The following CAMSAP1 variants were observed in gnomAD, a reference collection of about 807,000 sequenced individuals.
CAMSAP1 encodes the protein calmodulin-regulated spectrin-associated protein 1.
A neutral mutation model predicts 143.5 loss-of-function variants in CAMSAP1; 58 were observed. The ratio of observed to expected loss-of-function variants is 0.40; its 90% CI spans 0.33 to 0.50. The LOEUF (loss-of-function observed/expected upper bound fraction) is 0.50. CAMSAP1 is among the 20% of genes least tolerant of loss of function. The pLI is 0.45. For missense variants in CAMSAP1, 1,969 were observed against 2,115.7 expected (o/e 0.93, Z 1.36); for synonymous variants, 945 against 859.3 (o/e 1.10, Z -1.74).
chr9:135,815,073 C>A, intron 16 of CAMSAP1, 24 bp downstream of exon 16: 1 of 1,503,526 alleles, frequency 6.7e-7, no homozygotes, highest in Non-Finnish European at 9.2e-7. Flanking sequence ...CACATAAAAA[C>A]TGAGGTTGAA....
At chr9:135,852,854 G>A (rs1281337707) in intron 5 of CAMSAP1, among the ~76,000 whole-genome samples, 2 of 152,170 alleles carry the variant, frequency 1.3e-5, no homozygotes, top group African/African-American at 2.4e-5. Flanking sequence ...ATTGAATAAA[G>A]TAAGATCCAT....
intron 3 of CAMSAP1, among the ~76,000 whole-genome samples, chr9:135,872,466 G>A (rs1837599328): frequency 6.6e-6 from 1 of 151,702 alleles, no homozygotes; most frequent in African/African-American, 2.4e-5. Flanking sequence ...CTTAAAAGAG[G>A]GAAGAAAAAG....
At chr9:135,864,774 G>A (rs546359146) in intron 4 of CAMSAP1, among the ~76,000 whole-genome samples, 189 of 152,330 alleles carry the variant, frequency 1.2e-3, no homozygotes, top group Middle Eastern at 6.8e-3. Context: ...CTGGGAATAA[G>A]GAAACGCCCC....
At chr9:135,817,745 TGGGGG>T in intron 14 of CAMSAP1, 3 of 499,366 alleles carry the variant, frequency 6.0e-6, no homozygotes, top group South Asian at 2.2e-5. Context: ...ACGTGTGGGG[TGGGGG>T]ACAGGGGAGG....
rs965095512 is a variant in CAMSAP1 at position 135,907,396 on chromosome 9, G to C, written c.-237C>G. On this transcript the variant is annotated 5_prime_UTR_variant, in exon 1 of 17. Coordinates refer to ENST00000389532, the MANE Select transcript of CAMSAP1 (RefSeq NM_015447.4). ...GGAGGTGCCGAGCCCGCGGCCCAAA[G>C]AGGCGGCGGCAGGAGGGCGCGGGCC... Among the ~76,000 whole-genome samples, 9 of 146,188 alleles carry C rather than the reference G, an allele frequency of 6.2e-5. No homozygotes were observed. Among genetic ancestry groups the C allele is most frequent in the African/African-American group, 2.0e-4 (8 of 40,886 alleles).
intron 7 of CAMSAP1, among the ~76,000 whole-genome samples, chr9:135,829,784 C>T (rs1017757296): frequency 6.6e-6 from 1 of 151,852 alleles, no homozygotes; most frequent in Non-Finnish European, 1.5e-5. Flanking sequence ...ACCCGTGAGG[C>T]GGAGGTTGCA....
At chr9:135,864,336 T>C (rs1362996084) in intron 4 of CAMSAP1, among the ~76,000 whole-genome samples, 1 of 152,222 alleles carries the variant, frequency 6.6e-6, no homozygotes, top group Non-Finnish European at 1.5e-5. Context: ...TTAGAATGCT[T>C]TCCTCTTTCT....
chr9:135,831,180 C>T (rs892599565), intron 7 of CAMSAP1, among the ~76,000 whole-genome samples: 2 of 151,942 alleles, frequency 1.3e-5, no homozygotes, highest in Non-Finnish European at 2.9e-5. Flanking sequence ...AAAAAAGTAA[C>T]GGCAAGAAAA....
chr9:135,816,174 T>G (rs1174492009), intron 14 of CAMSAP1, among the ~76,000 whole-genome samples, 169 bp from the exon 15 acceptor site: 1 of 152,032 alleles, frequency 6.6e-6, no homozygotes, highest in Non-Finnish European at 1.5e-5. Flanking sequence ...GTACAGACAC[T>G]CCGAGCAAAA....
Position 135,823,212 on chromosome 9 carries a change from A to G in CAMSAP1, c.1449T>C (p.Cys483=). ...TGTCGCCAGAGCTGGGATCCACTTC[A>G]CAACTCGCAGCGTGATGTAGAGCAA... ...TPFALHHAAS[C]EVDPSSGDSI... is the part of the protein sequence containing the mutation. The change falls in exon 11 of 17, where the codon TGT becomes TGC. Residue 483 remains cysteine (C), a synonymous_variant. Coordinates refer to ENST00000389532, the MANE Select transcript of CAMSAP1 (RefSeq NM_015447.4). The G allele has an allele frequency of 6.3e-7, 1 of 1,580,204 alleles. No homozygotes were observed.
chr9:135,827,458 G>A lies in CAMSAP1; in HGVS notation c.1172C>T (p.Pro391Leu), dbSNP rs754539375. Residue 391 changes from proline (P) to leucine (L), a missense_variant, in exon 8 of 17, where the codon CCG (proline) becomes CTG (leucine). Pro to Leu is a moderately conservative substitution (Grantham distance 98). This residue lies in a region of CAMSAP1 where 1,390 missense variants were observed against 1,420.8 expected (regional missense o/e 0.98). Transcript: ENST00000389532. ...GTAGTGCCTGTGACAGCCTTCCGCC[G>A]GCAGCTGCACGGGGGGCTGCAGCTC... ...LAELQPPVQL[P>L]AEGCHRHYLH... 13 of 1,602,596 alleles carry A rather than the reference G, an allele frequency of 8.1e-6. No individual in the cohort carries two copies. Among genetic ancestry groups the A allele is most frequent in the Middle Eastern group, 3.3e-4 (2 of 6,048 alleles).
intron 3 of CAMSAP1, among the ~76,000 whole-genome samples, chr9:135,873,562 G>C (rs1481374473): frequency 2.0e-5 from 3 of 152,006 alleles, no homozygotes; most frequent in Non-Finnish European, 4.4e-5. Context: ...AAAAATGAAA[G>C]AAATTGCCAA....
chr9:135,883,070 G>C lies in CAMSAP1; in HGVS notation c.169C>G (p.Pro57Ala). The C allele has an allele frequency of 5.2e-6, 8 of 1,551,642 alleles. No homozygotes were observed. Among genetic ancestry groups the C allele is most frequent in the Non-Finnish European group, 6.1e-6 (7 of 1,146,974 alleles). Reference sequence around the variant, plus strand: ...TAGAAAGGGTCTCTGAGGTCCTCAGGGATGTTATCTAAGACAGGGAGGGGA... The same window carrying C: ...TAGAAAGGGTCTCTGAGGTCCTCAGCGATGTTATCTAAGACAGGGAGGGGA... ...CAKAYGRDNI[P>A]EDLRDPFYVD... Residue 57 changes from proline to alanine, a missense_variant, in exon 2 of 17, where the codon CCT (proline) becomes GCT (alanine). This residue lies in a region of CAMSAP1 where 215 missense variants were observed against 196.2 expected (regional missense o/e 1.10). Transcript: ENST00000389532.
At chr9:135,842,850 A>G (rs958408275) in intron 7 of CAMSAP1, among the ~76,000 whole-genome samples, 2 of 152,240 alleles carry the variant, frequency 1.3e-5, no homozygotes, top group Non-Finnish European at 2.9e-5. Context: ...CTAAACATGG[A>G]AAGGAAAAAC....
In CAMSAP1 at chr9:135,818,459, C is replaced by G. The variant is rs1207777542; in HGVS notation, c.4117G>C (p.Val1373Leu). The G allele has an allele frequency of 3.7e-6, 6 of 1,602,782 alleles. No homozygotes were observed. The highest frequency in any genetic ancestry group is 3.4e-6 in the Non-Finnish European group (4 of 1,177,840). ...TCGCTGCACGACTCTTCCCGGTGCA[C>G]CGACTTCGGCCGCGGCTTCTTCGGC... ...SKPKKPRPKS[V>L]HREESCSDSG... The change falls in exon 13 of 17, where the codon GTG becomes CTG. Residue 1373 changes from valine (V) to leucine (L), a missense_variant. Physicochemically the swap from Val to Leu is conservative, Grantham distance 32. This residue lies in a region of CAMSAP1 where 1,390 missense variants were observed against 1,420.8 expected (regional missense o/e 0.98). Coordinates refer to ENST00000389532, the MANE Select transcript of CAMSAP1 (RefSeq NM_015447.4). The surrounding 1 kb of genome is among the most constrained non-coding windows in gnomAD (Gnocchi z 7.7).
Position 135,877,827 on chromosome 9 carries a change from GAGAA to G in CAMSAP1, c.585+3802_585+3805del, listed in dbSNP as rs1323593147. 6.6e-5 allele frequency among the ~76,000 whole-genome samples: 10 copies of G among 151,958 alleles called. No homozygotes were observed. In the East Asian group the frequency reaches 1.7e-3, roughly 27 times the overall value. On this transcript the variant is annotated intron_variant, in intron 3 of 16. Coordinates refer to ENST00000389532, the MANE Select transcript of CAMSAP1 (RefSeq NM_015447.4). ...CTCTGTCTCCAAAAAAACAAAAAGA[GAGAA>G]AGAGACAACAACAACAACTGGCTGG...
intron 15 of CAMSAP1, 57 bp from the exon 16 acceptor site, chr9:135,815,272 A>C (rs1835190247): frequency 1.1e-5 from 13 of 1,178,176 alleles, no homozygotes; most frequent in Admixed American, 7.5e-5. Flanking sequence ...AACACACACA[A>C]AAAAGAAAAC....
chr9:135,838,887 AC>A (rs1206079312), intron 7 of CAMSAP1, among the ~76,000 whole-genome samples: 1 of 135,640 alleles, frequency 7.4e-6, no homozygotes, highest in Non-Finnish European at 1.6e-5. Context: ...CGTACCTTCT[AC>A]CCTGTTCTAC....
chr9:135,897,772 A>G (rs758734548), intron 1 of CAMSAP1, among the ~76,000 whole-genome samples: 2 of 152,204 alleles, frequency 1.3e-5, no homozygotes, highest in African/African-American at 2.4e-5. Flanking sequence ...GTAAGACTTC[A>G]TCATGCTACT....
Sources: gnomAD v4.1 joint callset for allele counts (sites outside exome capture counted in the v4.1 genomes callset) on GRCh38, gnomAD v4.1.1 for gene constraint, gnomAD v4.1.1 regional missense constraint, Gnocchi (gnomAD v3.1) non-coding constraint, MANE v1.5 for transcripts, NCBI Gene and HGNC (gene_info 2026-07-23, HGNC 2026-07-21) for gene names.